KLRD1: variants seen among roughly 807,000 people sequenced by gnomAD.
The protein encoded by KLRD1 is killer cell lectin like receptor D1.
KLRD1 carries 21 observed loss-of-function variants against 22.6 expected under a neutral mutation model. The observed-to-expected ratio is 0.93, with a 90% confidence interval of 0.66 to 1.34. The LOEUF (loss-of-function observed/expected upper bound fraction) is 1.34. KLRD1 is among the 40% of genes most tolerant of loss of function. The pLI, the probability that KLRD1 is intolerant of heterozygous loss-of-function variation, is 0.00. For synonymous variants in KLRD1, 59 were observed against 71.1 expected, an observed-to-expected ratio of 0.83 and a Z score of 0.85; for missense variants, 183 against 208.6, an observed-to-expected ratio of 0.88 and a Z score of 0.76.
intron 1 of KLRD1, among the ~76,000 whole-genome samples, chr12:10,250,813 G>A (rs1041837496): frequency 6.6e-6 from 1 of 152,088 alleles, no homozygotes; most frequent in African/African-American, 2.4e-5. Context: ...AAAATGGATA[G>A]CGTATTAAGG....
intron 1 of KLRD1, among the ~76,000 whole-genome samples, chr12:10,284,574 G>T (rs1280651578): frequency 1.3e-5 from 2 of 152,110 alleles, no homozygotes; most frequent in South Asian, 4.1e-4. Flanking sequence ...GGGTTATAGC[G>T]TGAATCATCA....
rs987491687 is a variant in KLRD1 at position 10,311,540 on chromosome 12, A to G, written c.240A>G (p.Lys80=). The G allele has an allele frequency of 1.9e-6, 3 of 1,613,998 alleles. No homozygotes were observed. The African/African-American group carries it at 4.0e-5, about 22-fold the overall frequency. Reference sequence around the variant, plus strand: ...GTTACTTCATTTCCAGTGAACAGAAAACTTGGAACGAAAGTCGGCATCTCT... The same window carrying G: ...GTTACTTCATTTCCAGTGAACAGAAGACTTGGAACGAAAGTCGGCATCTCT... The part of the protein sequence containing the change: ...CNCYFISSEQ[K]TWNESRHLCA... The change falls in exon 4 of 6, where the codon AAA becomes AAG. Residue 80 remains lysine (K), a synonymous_variant. Coordinates refer to ENST00000336164, the MANE Select transcript of KLRD1 (RefSeq NM_002262.5).
At chr12:10,293,626 T>TA (rs1949796902) in intron 1 of KLRD1, among the ~76,000 whole-genome samples, 1 of 152,060 alleles carries the variant, frequency 6.6e-6, no homozygotes, top group African/African-American at 2.4e-5. Context: ...GCAATAATAG[T>TA]AAAAAAGTTT....
In KLRD1 at chr12:10,323,432, C is replaced by A. The variant is rs1437043686; in HGVS notation, c.*8639C>A. On this transcript the variant is annotated 3_prime_UTR_variant, in exon 6 of 6. Transcript: ENST00000336164. ...CAAATGAATAATGATGCTTATCCCT[C>A]ATCTTTTTTTTTCATTTTTATATCC... The A allele has an allele frequency of 1.1e-5, 1 of 92,028 alleles. No homozygotes were observed. The highest frequency in any genetic ancestry group is 2.6e-5 in the Non-Finnish European group (1 of 37,872). The allele number at this position is 92,028 out of a possible 1,614,324, so 5.7% of individuals were successfully genotyped here.
chr12:10,320,892 C>T lies in KLRD1; in HGVS notation c.*6099C>T, dbSNP rs150712673. The T allele has an allele frequency of 1.1e-3, 171 of 152,212 alleles. No homozygotes were observed. The highest frequency in any genetic ancestry group is 3.9e-3 in the African/African-American group (162 of 41,532). The allele number at this position is 152,212 out of a possible 1,614,324, so 9.4% of individuals were successfully genotyped here. On this transcript the variant is annotated 3_prime_UTR_variant, in exon 6 of 6. Transcript: ENST00000336164. ...TCCCTCAGGTATCTCAGCAGAAGCTCCAGGTAGAGAGAAGATTGAAGAGAT... is the reference window on the plus strand; with the variant it reads ...TCCCTCAGGTATCTCAGCAGAAGCTTCAGGTAGAGAGAAGATTGAAGAGAT...
rs543913293 is a variant in KLRD1 at position 10,327,691 on chromosome 12, G to C, written c.*12898G>C. On this transcript the variant is annotated 3_prime_UTR_variant, in exon 6 of 6. Transcript: ENST00000336164. ...TCTTTTCCTTGCCTAAGAGCTTTAAGTAGGACAAGGGTTAAATAGAAATGG... is the reference window on the plus strand; with the variant it reads ...TCTTTTCCTTGCCTAAGAGCTTTAACTAGGACAAGGGTTAAATAGAAATGG... 1 of 152,200 alleles carries C rather than the reference G, an allele frequency of 6.6e-6. No individual in the cohort carries two copies. The highest frequency in any genetic ancestry group is 6.5e-5 in the Admixed American group (1 of 15,276). 9.4% of individuals were successfully genotyped at this position (152,200 alleles called of 1,614,324 possible). A position where few individuals can be genotyped will look rare whatever the true frequency, so the allele number is the denominator to read the frequency against.
Position 10,296,604 on chromosome 12 carries a change from C to A in KLRD1, c.-100-11374C>A, listed in dbSNP as rs76131228. ...GATCTACTCATCTAAGTTCCTAGAA[C>A]ATTTATGTTTTGATACCTCCTAAAA... On this transcript the variant is annotated intron_variant, in intron 1 of 5. Transcript: ENST00000544747. Among the ~76,000 whole-genome samples, 597 of 152,118 alleles carry A rather than the reference C, an allele frequency of 3.9e-3. 19 individuals carry two copies. In the East Asian group the frequency reaches 0.068, roughly 17 times the overall value.
chr12:10,240,585 A>G (rs971755672), intron 1 of KLRD1, among the ~76,000 whole-genome samples: 1 of 152,176 alleles, frequency 6.6e-6, no homozygotes, highest in African/African-American at 2.4e-5. Flanking sequence ...ATGAACTACC[A>G]TGTGCCCATC....
At chr12:10,254,645 T>C (rs1348735861) in intron 1 of KLRD1, among the ~76,000 whole-genome samples, 1 of 152,002 alleles carries the variant, frequency 6.6e-6, no homozygotes, top group Non-Finnish European at 1.5e-5. Flanking sequence ...TCCCAGCACT[T>C]TGAGAGACTG....
intron 1 of KLRD1, among the ~76,000 whole-genome samples, chr12:10,248,172 G>A (rs10772250): frequency 0.99 from 150,977 of 152,206 alleles, 74,896 homozygotes; most frequent in East Asian, 1. Flanking sequence ...TTTAGACACC[G>A]TCATAGGATG....
intron 1 of KLRD1, among the ~76,000 whole-genome samples, chr12:10,281,585 A>T (rs570801342): frequency 1.3e-5 from 2 of 152,086 alleles, no homozygotes; most frequent in East Asian, 1.9e-4. Flanking sequence ...GTATCCAAGA[A>T]CCCCCTGAGA....
intron 1 of KLRD1, among the ~76,000 whole-genome samples, chr12:10,260,711 T>C (rs2045879): frequency 0.98 from 147,768 of 151,242 alleles, 72,274 homozygotes; most frequent in Middle Eastern, 1. Flanking sequence ...GAGGCCGAGG[T>C]GGGCAGATCA....
rs1330883958 is a variant in KLRD1, at chr12:10,317,580, C to T, written c.*2787C>T. ...TTCTTTGCAGTCAGCTTTTCTTCTG[C>T]TGATGCTGCCTGTTGCCTCCCTGGA... On this transcript the variant is annotated 3_prime_UTR_variant, in exon 6 of 6. Coordinates refer to ENST00000336164, the MANE Select transcript of KLRD1 (RefSeq NM_002262.5). The T allele has an allele frequency of 2.0e-5, 3 of 152,218 alleles. No individual in the cohort carries two copies. The highest frequency in any genetic ancestry group is 2.1e-4 in the South Asian group (1 of 4,820). The allele number at this position is 152,218 out of a possible 1,614,324, so 9.4% of individuals were successfully genotyped here. A position where few individuals can be genotyped will look rare whatever the true frequency, so the allele number is the denominator to read the frequency against.
intron 1 of KLRD1, among the ~76,000 whole-genome samples, chr12:10,268,402 A>AG (rs1400327188): frequency 1.3e-5 from 2 of 152,214 alleles, no homozygotes; most frequent in African/African-American, 4.8e-5. Flanking sequence ...GTAATGTACC[A>AG]GGCGTTTTTA....
intron 1 of KLRD1, among the ~76,000 whole-genome samples, chr12:10,298,323 C>G (rs571906512): frequency 7.2e-5 from 11 of 152,290 alleles, no homozygotes; most frequent in African/African-American, 2.4e-4. Context: ...CATTCGAACT[C>G]TAAGTAAAAT....
chr12:10,294,331 T>C (rs1949802941), intron 1 of KLRD1, among the ~76,000 whole-genome samples: 1 of 152,148 alleles, frequency 6.6e-6, no homozygotes, highest in African/African-American at 2.4e-5. Flanking sequence ...AGTTACCAGT[T>C]TGTCAAAGTG....
At chr12:10,247,988 T>G (rs370496952) in intron 1 of KLRD1, among the ~76,000 whole-genome samples, 8 of 152,314 alleles carry the variant, frequency 5.3e-5, no homozygotes, top group East Asian at 3.9e-4. Flanking sequence ...TTTTACATTT[T>G]AATGTCTCTG....
chr12:10,292,314 T>C (rs562701563), intron 1 of KLRD1, among the ~76,000 whole-genome samples: 27 of 152,244 alleles, frequency 1.8e-4, no homozygotes, highest in Non-Finnish European at 2.6e-4. Flanking sequence ...CAGAAAGTTT[T>C]GAATTTACAT....
chr12:10,246,789 A>G (rs889880764), intron 1 of KLRD1, among the ~76,000 whole-genome samples: 2 of 152,250 alleles, frequency 1.3e-5, no homozygotes, highest in Admixed American at 1.3e-4. Context: ...CTATGTTTAG[A>G]TATTTCACAT....
Sources: gnomAD v4.1 joint callset for allele counts (sites outside exome capture counted in the v4.1 genomes callset) on GRCh38, gnomAD v4.1.1 for gene constraint, MANE v1.5 for transcripts, NCBI Gene and HGNC (gene_info 2026-07-23, HGNC 2026-07-21) for gene names.